The following SPIDR variants were observed in gnomAD, a reference collection of about 807,000 sequenced individuals.
SPIDR encodes scaffold protein involved in DNA repair.
Under a neutral mutation model 104.6 loss-of-function variants are expected in SPIDR, and 93 were observed. That is an observed-to-expected ratio of 0.89 (90% CI 0.75 to 1.06). The LOEUF (loss-of-function observed/expected upper bound fraction) is 1.06. Ranked by LOEUF, SPIDR falls within the 50% of genes least tolerant of loss-of-function variation. The pLI, the probability that SPIDR is intolerant of heterozygous loss-of-function variation, is 0.00. For synonymous variants in SPIDR, 431 were observed against 416.9 expected (o/e 1.03, Z -0.41); for missense variants, 1,154 against 1,111.2 (o/e 1.04, Z -0.55).
intron 5 of SPIDR, among the ~76,000 whole-genome samples, chr8:47,313,000 C>T (rs1157044034): frequency 1.3e-5 from 2 of 152,060 alleles, no homozygotes; most frequent in African/African-American, 4.8e-5. Flanking sequence ...AAAACTGGCA[C>T]AAGACAGGGA....
chr8:47,550,562 C>T (rs572845559), intron 8 of SPIDR, among the ~76,000 whole-genome samples: 10 of 152,068 alleles, frequency 6.6e-5, no homozygotes, highest in African/African-American at 2.4e-5. Context: ...ATTTGGCTCT[C>T]CCTTTGTCTG....
Position 47,300,599 on chromosome 8 carries a change from C to G in SPIDR, c.525+6569C>G, listed in dbSNP as rs897586323. ...TGTGGGCATTTAGTGCTACAAATTT[C>G]CCTCTACACACTGCTTTGAATGTGT... On this transcript the variant is annotated intron_variant, in intron 5 of 19. Transcript: ENST00000297423. Among the ~76,000 whole-genome samples the G allele has an allele frequency of 5.8e-3, 880 of 152,248 alleles. 4 individuals are homozygous for G. The highest frequency in any genetic ancestry group is 0.011 in the Non-Finnish European group (758 of 68,016).
At chr8:47,369,946 T>C (rs369072289) in intron 5 of SPIDR, among the ~76,000 whole-genome samples, 122 of 152,288 alleles carry the variant, frequency 8.0e-4, no homozygotes, top group African/African-American at 2.9e-3. Context: ...CCCCCCATTT[T>C]AAGGGAGAGT....
chr8:47,336,517 A>G (rs547842729), intron 5 of SPIDR, among the ~76,000 whole-genome samples: 1 of 152,214 alleles, frequency 6.6e-6, no homozygotes, highest in Non-Finnish European at 1.5e-5. Flanking sequence ...GTAACAAAAC[A>G]GGAGCTAGGG....
At chr8:47,664,045 C>T (rs574572852) in intron 10 of SPIDR, among the ~76,000 whole-genome samples, 7 of 152,196 alleles carry the variant, frequency 4.6e-5, no homozygotes, top group Non-Finnish European at 8.8e-5. Flanking sequence ...CTGTGAGCCA[C>T]GACCCACTCC....
intron 8 of SPIDR, among the ~76,000 whole-genome samples, chr8:47,518,317 C>G (rs1208261140): frequency 6.6e-6 from 1 of 152,198 alleles, no homozygotes. Context: ...GAACCTGCTG[C>G]TCCATTTAAT....
At chr8:47,359,026 C>G (rs2055154698) in intron 5 of SPIDR, among the ~76,000 whole-genome samples, 1 of 152,024 alleles carries the variant, frequency 6.6e-6, no homozygotes, top group Admixed American at 6.6e-5. Context: ...ACTAGGATTT[C>G]AGAGACATCT....
rs1490264194 is a variant in SPIDR, at chr8:47,347,202, T to G, written c.526-49174T>G. ...TTTATTTTTGCCTTCATTTTGTTAT[T>G]TACCCAGTAGTCATTCAGGAGCAGG... On this transcript the variant is annotated intron_variant, in intron 5 of 19. Coordinates refer to ENST00000297423, the MANE Select transcript of SPIDR (RefSeq NM_001080394.4). Among the ~76,000 whole-genome samples the G allele has an allele frequency of 5.3e-5, 8 of 152,184 alleles. No homozygotes were observed. The East Asian group carries it at 7.7e-4, about 15-fold the overall frequency.
intron 5 of SPIDR, among the ~76,000 whole-genome samples, chr8:47,396,046 G>C (rs1224280687): frequency 6.6e-6 from 1 of 152,192 alleles, no homozygotes; most frequent in Non-Finnish European, 1.5e-5. Flanking sequence ...CAGCCTTTCA[G>C]ATGAGTGTTA....
chr8:47,573,681 G>T (rs1338114436), intron 8 of SPIDR, among the ~76,000 whole-genome samples: 1 of 152,202 alleles, frequency 6.6e-6, no homozygotes, highest in Non-Finnish European at 1.5e-5. Flanking sequence ...TAGAGATGCA[G>T]TTTTCCTGCT....
chr8:47,618,119 C>T (rs1302850772), intron 10 of SPIDR, among the ~76,000 whole-genome samples: 1 of 152,132 alleles, frequency 6.6e-6, no homozygotes, highest in Non-Finnish European at 1.5e-5. Flanking sequence ...AGAGTTAACA[C>T]GCTTTTGTGT....
intron 8 of SPIDR, among the ~76,000 whole-genome samples, chr8:47,526,369 A>G (rs1166283207): frequency 6.6e-6 from 1 of 152,226 alleles, no homozygotes; most frequent in African/African-American, 2.4e-5. Flanking sequence ...CTGCTACCTT[A>G]CTGTTACTTT....
chr8:47,400,865 G>A (rs1217044269), intron 6 of SPIDR, among the ~76,000 whole-genome samples: 1 of 152,062 alleles, frequency 6.6e-6, no homozygotes, highest in Non-Finnish European at 1.5e-5. Flanking sequence ...TCTGATTGGT[G>A]TACCTGAAAG....
At chr8:47,719,128 T>C (rs934592619) in intron 16 of SPIDR, among the ~76,000 whole-genome samples, 1 of 151,972 alleles carries the variant, frequency 6.6e-6, no homozygotes, top group African/African-American at 2.4e-5. Context: ...CCTCTCAACG[T>C]CAGTTAGTAA....
chr8:47,386,124 A>AT (rs753862444), intron 5 of SPIDR, among the ~76,000 whole-genome samples: 36 of 151,568 alleles, frequency 2.4e-4, no homozygotes, highest in Non-Finnish European at 4.4e-4. Context: ...TATTTTTATT[A>AT]TTTTTATATG....
Position 47,599,108 on chromosome 8 carries a change from G to A in SPIDR, c.1456G>A (p.Val486Met), listed in dbSNP as rs796193947. The A allele has an allele frequency of 3.1e-6, 5 of 1,612,752 alleles. No homozygotes were observed. The Admixed American group carries it at 6.7e-5, about 22-fold the overall frequency. The change falls in exon 10 of 20, where the codon GTG becomes ATG. Residue 486 changes from valine (V) to methionine (M), a missense_variant. Physicochemically the swap from Val to Met is conservative, Grantham distance 21. Coordinates refer to ENST00000297423, the MANE Select transcript of SPIDR (RefSeq NM_001080394.4). ...GCCAGGAGCTGGAGTCCGAGTGGTGGTGCAAAGAGTGTATTCTCTTCCCAG... is the reference window on the plus strand; with the variant it reads ...GCCAGGAGCTGGAGTCCGAGTGGTGATGCAAAGAGTGTATTCTCTTCCCAG... The part of the protein sequence containing the change: ...SWPGAGVRVV[V>M]QRVYSLPSRD...
intron 8 of SPIDR, among the ~76,000 whole-genome samples, chr8:47,465,031 T>G (rs1458334987): frequency 1.3e-5 from 2 of 152,142 alleles, no homozygotes; most frequent in African/African-American, 4.8e-5. Flanking sequence ...CCCAAAGTGC[T>G]AGGATTATGG....
At chr8:47,555,442 G>A (rs527960485) in intron 8 of SPIDR, among the ~76,000 whole-genome samples, 143 of 152,214 alleles carry the variant, frequency 9.4e-4, no homozygotes, top group Middle Eastern at 6.8e-3. Flanking sequence ...AAATAGACAC[G>A]TTCTACAGAA....
At chr8:47,384,148 A>G (rs2059625368) in intron 5 of SPIDR, among the ~76,000 whole-genome samples, 1 of 152,136 alleles carries the variant, frequency 6.6e-6, no homozygotes, top group South Asian at 2.1e-4. Context: ...ATTAGCATGT[A>G]TTGGTTTGTT....
Sources: allele counts gnomAD v4.1 joint callset (sites outside exome capture counted in the v4.1 genomes callset), GRCh38; gene constraint gnomAD v4.1.1; transcripts MANE v1.5; gene names NCBI Gene and HGNC (gene_info 2026-07-23, HGNC 2026-07-21).